The following TRIM24 variants were observed in gnomAD, a reference collection of about 807,000 sequenced individuals.
The protein encoded by TRIM24 is tripartite motif containing 24.
A neutral mutation model predicts 123.9 loss-of-function variants in TRIM24; 29 were observed. The ratio of observed to expected loss-of-function variants is 0.23; its 90% CI spans 0.17 to 0.32. The LOEUF (loss-of-function observed/expected upper bound fraction) is 0.32, where lower values mean the gene tolerates loss of function less well. TRIM24 is among the 10% of genes least tolerant of loss of function. TRIM24 has a pLI of 1.00. For synonymous variants in TRIM24, 456 were observed against 461.1 expected (o/e 0.99, Z 0.14); for missense variants, 932 against 1,295.3 (o/e 0.72, Z 4.31).
rs924221972 is a variant in TRIM24 at position 138,588,375 on chromosome 7, G to C, written c.*3424G>C. The C allele has an allele frequency of 1.3e-5, 2 of 152,238 alleles. No homozygotes were observed. Among genetic ancestry groups the C allele is most frequent in the Non-Finnish European group, 1.5e-5 (1 of 68,044 alleles). 9.4% of individuals were successfully genotyped at this position (152,238 alleles called of 1,614,324 possible). ...TTTTATATGTATTTGTTGTGAATGA[G>C]AGAAATTGAGTGATCTGATTGGCCA... On this transcript the variant is annotated 3_prime_UTR_variant, in exon 19 of 19. Transcript: ENST00000343526.
intron 1 of TRIM24, among the ~76,000 whole-genome samples, chr7:138,462,605 G>T (rs753137615): frequency 1.3e-5 from 2 of 152,064 alleles, no homozygotes; most frequent in South Asian, 2.1e-4. Context: ...CTCCCAAAGT[G>T]CTGGGATTAC....
At chr7:138,567,377 G>T in intron 9 of TRIM24, 104 bp from the exon 10 acceptor site, 7 of 1,017,524 alleles carry the variant, frequency 6.9e-6, no homozygotes, top group South Asian at 2.0e-5. Context: ...TGATTGATCT[G>T]TGGCAGAGTT....
chr7:138,528,949 T>G (rs1796670160), intron 5 of TRIM24, among the ~76,000 whole-genome samples, 167 bp from the exon 6 acceptor site: 1 of 152,080 alleles, frequency 6.6e-6, no homozygotes, highest in Non-Finnish European at 1.5e-5. Flanking sequence ...TTCAGAAGAA[T>G]TATATTTCTG....
At chr7:138,476,642 T>A (rs1255985158) in intron 1 of TRIM24, among the ~76,000 whole-genome samples, 1 of 151,652 alleles carries the variant, frequency 6.6e-6, no homozygotes, top group East Asian at 1.9e-4. Flanking sequence ...AGCATTATAC[T>A]TTGACATTAT....
intron 1 of TRIM24, chr7:138,490,840 G>C (rs989841859): frequency 1.1e-5 from 5 of 461,300 alleles, no homozygotes; most frequent in Admixed American, 2.4e-5. Context: ...TCATTTGTCT[G>C]TACCTGTCAG....
chr7:138,514,268 C>T (rs767624837), intron 2 of TRIM24: 8 of 152,280 alleles, frequency 5.3e-5, no homozygotes, highest in Non-Finnish European at 8.8e-5. Context: ...AAAATCCTAG[C>T]TTGTCATTAT....
intron 9 of TRIM24, among the ~76,000 whole-genome samples, chr7:138,564,419 A>G (rs1264114919): frequency 6.6e-6 from 1 of 152,184 alleles, no homozygotes; most frequent in South Asian, 2.1e-4. Flanking sequence ...ATGGGGGTAG[A>G]TTGGAATATA....
At chr7:138,463,699 G>A (rs1037650502) in intron 1 of TRIM24, among the ~76,000 whole-genome samples, 2 of 152,130 alleles carry the variant, frequency 1.3e-5, no homozygotes, top group African/African-American at 4.8e-5. Flanking sequence ...AGACAAGTTT[G>A]TGATTCCATA....
chr7:138,526,354 A>G (rs1236615565), intron 5 of TRIM24, among the ~76,000 whole-genome samples: 4 of 151,894 alleles, frequency 2.6e-5, no homozygotes, highest in Non-Finnish European at 4.4e-5. Flanking sequence ...CATCATTCTT[A>G]TATCTGTTTA....
chr7:138,463,338 C>T (rs896538182), intron 1 of TRIM24, among the ~76,000 whole-genome samples: 2 of 152,052 alleles, frequency 1.3e-5, no homozygotes, highest in African/African-American at 2.4e-5. Flanking sequence ...CTCACTGCAA[C>T]CTCTGCCTCC....
chr7:138,574,830 A>G (rs550665002), intron 12 of TRIM24, among the ~76,000 whole-genome samples: 2 of 152,272 alleles, frequency 1.3e-5, no homozygotes, highest in Admixed American at 6.5e-5. Flanking sequence ...ATTTGCTTCA[A>G]GGGGCTTGGA....
Position 138,585,041 on chromosome 7 carries a change from G to T in TRIM24, c.*90G>T. The T allele has an allele frequency of 4.3e-6, 5 of 1,162,138 alleles. No homozygotes were observed. The highest frequency in any genetic ancestry group is 6.0e-6 in the Non-Finnish European group (5 of 827,072). 72.0% of individuals were successfully genotyped at this position (1,162,138 alleles called of 1,614,324 possible). On this transcript the variant is annotated 3_prime_UTR_variant, in exon 19 of 19. Transcript: ENST00000343526. Reference sequence around the variant, plus strand: ...TAATTTAACATCACTACAAAAAGAAGAGTTTGTGACTATTCTCATCTCTGT... The same window carrying T: ...TAATTTAACATCACTACAAAAAGAATAGTTTGTGACTATTCTCATCTCTGT...
intron 2 of TRIM24, among the ~76,000 whole-genome samples, chr7:138,512,349 C>T (rs936597014): frequency 7.2e-5 from 11 of 152,166 alleles, no homozygotes; most frequent in South Asian, 4.1e-4. Flanking sequence ...CTTGGGAGGG[C>T]CCCAGTGGTG....
At chr7:138,522,790 A>T (rs1472942125) in intron 4 of TRIM24, among the ~76,000 whole-genome samples, 1 of 152,212 alleles carries the variant, frequency 6.6e-6, no homozygotes, top group Non-Finnish European at 1.5e-5. Context: ...TATGATCTCT[A>T]TATACTTGCA....
intron 1 of TRIM24, among the ~76,000 whole-genome samples, chr7:138,500,580 A>AG: frequency 6.6e-6 from 1 of 151,664 alleles, no homozygotes; most frequent in East Asian, 1.9e-4. Flanking sequence ...AAAAAAAAAA[A>AG]AAAAGGAATA....
chr7:138,576,298 A>G, intron 12 of TRIM24, 75 bp from the exon 13 acceptor site: 1 of 1,345,672 alleles, frequency 7.4e-7, no homozygotes, highest in Non-Finnish European at 1.1e-6. Context: ...TGTAGTGCTA[A>G]GTGAACACAT....
At chr7:138,471,505 C>T (rs1795271909) in intron 1 of TRIM24, among the ~76,000 whole-genome samples, 1 of 151,492 alleles carries the variant, frequency 6.6e-6, no homozygotes, top group South Asian at 2.1e-4. Flanking sequence ...TATAGGTTCT[C>T]ATCTCATAGT....
At chr7:138,466,337 G>GC (rs1461272520) in intron 1 of TRIM24, among the ~76,000 whole-genome samples, 1 of 151,942 alleles carries the variant, frequency 6.6e-6, no homozygotes, top group Non-Finnish European at 1.5e-5. Flanking sequence ...GGTGAGAAAA[G>GC]CTATCTCATG....
At chr7:138,508,718 T>TGCGTGTGTGTGTGTGC (rs1563038974) in intron 2 of TRIM24, among the ~76,000 whole-genome samples, 5 of 133,838 alleles carry the variant, frequency 3.7e-5, no homozygotes, top group African/African-American at 1.4e-4. Flanking sequence ...CGTGTGTGTG[T>TGCGTGTGTGTGTGTGC]GCGTGTGTGT....
Sources: allele counts gnomAD v4.1 joint callset (sites outside exome capture counted in the v4.1 genomes callset), GRCh38; gene constraint gnomAD v4.1.1; transcripts MANE v1.5; gene names NCBI Gene and HGNC (gene_info 2026-07-23, HGNC 2026-07-21).